The following INPP5F variants were observed in gnomAD, a reference collection of about 807,000 sequenced individuals.
The protein encoded by INPP5F is phosphatidylinositide 4-phosphatase SAC2.
A neutral mutation model predicts 137.2 loss-of-function variants in INPP5F; 97 were observed. The observed-to-expected ratio is 0.71, with a 90% CI of 0.60 to 0.84. The LOEUF (loss-of-function observed/expected upper bound fraction) is 0.84, where lower values mean the gene tolerates loss of function less well. INPP5F is among the 40% of genes least tolerant of loss of function. The pLI is 0.00. For synonymous variants in INPP5F, 504 were observed against 476.9 expected, an observed-to-expected ratio of 1.06 and a Z score of -0.74; for missense variants, 1,271 against 1,371.9, an observed-to-expected ratio of 0.93 and a Z score of 1.16.
chr10:119,756,601 A>C (rs1462230854), intron 2 of INPP5F, among the ~76,000 whole-genome samples: 2 of 152,136 alleles, frequency 1.3e-5, no homozygotes, highest in Non-Finnish European at 1.5e-5. Flanking sequence ...GCACCACTGC[A>C]CTCCAGCCTG....
At chr10:119,789,491 GT>G (rs906129467) in intron 3 of INPP5F, among the ~76,000 whole-genome samples, 2 of 152,084 alleles carry the variant, frequency 1.3e-5, no homozygotes, top group African/African-American at 4.8e-5. Flanking sequence ...ATCAAGGAGG[GT>G]GGGGTGTGTA....
Position 119,726,331 on chromosome 10 carries a change from C to T in INPP5F, c.69C>T (p.Arg23=). The change falls in exon 1 of 20, where the codon CGC becomes CGT. Residue 23 remains arginine (R), a synonymous_variant. Coordinates refer to ENST00000650623, the MANE Select transcript of INPP5F (RefSeq NM_014937.4). ...QQGERALWCS[R]RDGGLQLRPA... ...GCGAGCGCGCGCTGTGGTGCAGCCG[C>T]CGCGACGGCGGCCTCCAGCTCCGAC... 1.4e-6 allele frequency: 2 copies of T among 1,470,188 alleles called. No individual in the cohort carries two copies. The highest frequency in any genetic ancestry group is 9.0e-7 in the Non-Finnish European group (1 of 1,107,856). The allele number at this position is 1,470,188 out of a possible 1,614,324, so 91.1% of individuals were successfully genotyped here.
In INPP5F at chr10:119,826,546, A is replaced by G. The variant is rs1386380614; in HGVS notation, c.2250-85A>G. 8.1e-6 allele frequency: 9 copies of G among 1,116,476 alleles called. No individual in the cohort carries two copies. The East Asian group carries it at 1.4e-4, about 18-fold the overall frequency. The allele number at this position is 1,116,476 out of a possible 1,614,324, so 69.2% of individuals were successfully genotyped here. The stretch of plus-strand genomic sequence containing the variant: ...TTTCAAGAAGTTGGGACCAATTTGA[A>G]TAACTGTTTTCACTTATGTTAATAA... On this transcript the variant is annotated intron_variant, in intron 19 of 19. Transcript: ENST00000650623.
At chr10:119,826,240 T>C (rs1654716779) in intron 19 of INPP5F, among the ~76,000 whole-genome samples, 1 of 152,224 alleles carries the variant, frequency 6.6e-6, no homozygotes, top group African/African-American at 2.4e-5. Flanking sequence ...TGAAGCCTTT[T>C]AGAATGCGAC....
chr10:119,746,075 C>T (rs113361328), intron 1 of INPP5F, among the ~76,000 whole-genome samples: 11 of 152,132 alleles, frequency 7.2e-5, no homozygotes, highest in African/African-American at 2.7e-4. Flanking sequence ...CAATTCATAT[C>T]TCCAGTGTAC....
chr10:119,762,832 C>A (rs1015814709), intron 2 of INPP5F, among the ~76,000 whole-genome samples: 14 of 152,204 alleles, frequency 9.2e-5, no homozygotes, highest in Admixed American at 3.9e-4. Context: ...TAATATTTTG[C>A]CCTGTCCCCC....
At chr10:119,790,263 C>G (rs1353968851) in intron 3 of INPP5F, among the ~76,000 whole-genome samples, 3 of 152,096 alleles carry the variant, frequency 2.0e-5, no homozygotes, top group Non-Finnish European at 4.4e-5. Flanking sequence ...GTTCTGTCTT[C>G]TCTCCTTCCG....
intron 7 of INPP5F, among the ~76,000 whole-genome samples, chr10:119,797,173 A>T (rs1850414615): frequency 6.6e-6 from 1 of 152,188 alleles, no homozygotes; most frequent in Non-Finnish European, 1.5e-5. Flanking sequence ...GCTTCAGAAT[A>T]CTGGCACTCC....
At chr10:119,791,394 A>T (rs976497130) in intron 3 of INPP5F, 123 bp from the exon 4 acceptor site, 19 of 750,802 alleles carry the variant, frequency 2.5e-5, no homozygotes, top group Non-Finnish European at 4.2e-5. Context: ...CTACTTGATA[A>T]TTTTTCTAAC....
chr10:119,810,774 T>G (rs1341745800), intron 14 of INPP5F, among the ~76,000 whole-genome samples: 2 of 152,186 alleles, frequency 1.3e-5, no homozygotes, highest in Non-Finnish European at 2.9e-5. Context: ...TTTTAAAAAT[T>G]TAATACTCAT....
chr10:119,730,096 ACTTCT>A (rs1444622043), intron 1 of INPP5F, among the ~76,000 whole-genome samples: 1 of 151,660 alleles, frequency 6.6e-6, no homozygotes, highest in Non-Finnish European at 1.5e-5. Context: ...AATGACTACT[ACTTCT>A]CTTTTCTTTT....
At chr10:119,765,890 G>T (rs12779174) in intron 2 of INPP5F, among the ~76,000 whole-genome samples, 10,708 of 145,950 alleles carry the variant, frequency 0.073, 487 homozygotes, top group African/African-American at 0.11. Flanking sequence ...TAGAGAGAGA[G>T]AGAGAGAGAC....
chr10:119,806,678 T>A (rs1162916159), intron 12 of INPP5F, among the ~76,000 whole-genome samples, 198 bp downstream of exon 12: 1 of 152,172 alleles, frequency 6.6e-6, no homozygotes, highest in East Asian at 1.9e-4. Flanking sequence ...ATTTTCTTAA[T>A]CACTCATTTC....
intron 2 of INPP5F, among the ~76,000 whole-genome samples, chr10:119,758,005 CTA>C (rs1265007094): frequency 2.6e-5 from 4 of 152,158 alleles, no homozygotes; most frequent in African/African-American, 9.7e-5. Context: ...TAACAAGTAT[CTA>C]TGGAGTACCT....
At chr10:119,751,894 G>T (rs1281964879) in intron 2 of INPP5F, among the ~76,000 whole-genome samples, 1 of 152,170 alleles carries the variant, frequency 6.6e-6, no homozygotes, top group Non-Finnish European at 1.5e-5. Context: ...GGCTCCCAAA[G>T]TCCTGGGATT....
In INPP5F at chr10:119,787,977, A is replaced by G. The variant is rs1386644220; in HGVS notation, c.316-3540A>G. Among the ~76,000 whole-genome samples, 1 of 152,168 alleles carries G rather than the reference A, an allele frequency of 6.6e-6. No homozygotes were observed. Among genetic ancestry groups the G allele is most frequent in the East Asian group, 1.9e-4 (1 of 5,196 alleles). On this transcript the variant is annotated intron_variant, in intron 3 of 19. Coordinates refer to ENST00000650623, the MANE Select transcript of INPP5F (RefSeq NM_014937.4). The surrounding 1 kb of genome is among the most constrained non-coding windows in gnomAD (Gnocchi z 4.1). Reference sequence around the variant, plus strand: ...TGTGTGCCATGCCAGTAGCATTTCCATGAAGAAATACTGGTCTGGGCAAAA... The same window carrying G: ...TGTGTGCCATGCCAGTAGCATTTCCGTGAAGAAATACTGGTCTGGGCAAAA...
At chr10:119,785,754 A>G (rs35482864) in intron 3 of INPP5F, among the ~76,000 whole-genome samples, 9,132 of 152,082 alleles carry the variant, frequency 0.06, 362 homozygotes, top group South Asian at 0.22. Flanking sequence ...AGGTACTCAG[A>G]AGGCTGAGGC....
intron 1 of INPP5F, among the ~76,000 whole-genome samples, chr10:119,744,156 G>T (rs1283150669): frequency 6.6e-6 from 1 of 152,036 alleles, no homozygotes; most frequent in African/African-American, 2.4e-5. Context: ...CTCTTTATAA[G>T]AAATTGATTT....
In INPP5F at chr10:119,791,900, AGAG is replaced by A. The variant is rs763142991; in HGVS notation, c.480_482del (p.Arg161del). The A allele has an allele frequency of 6.2e-7, 1 of 1,611,062 alleles. No individual in the cohort carries two copies. On this transcript the variant is annotated inframe_deletion, in exon 5 of 20. Coordinates refer to ENST00000650623, the MANE Select transcript of INPP5F (RefSeq NM_014937.4). ...GAAAGTAAAGAGAAGGAGAAGTTGGAGAGGAGATTACTTGAAGAGTTGCTGAAG... is the reference window on the plus strand; with the variant it reads ...GAAAGTAAAGAGAAGGAGAAGTTGGAGAGATTACTTGAAGAGTTGCTGAAG...
Sources: allele counts gnomAD v4.1 joint callset (sites outside exome capture counted in the v4.1 genomes callset), GRCh38; gene constraint gnomAD v4.1.1; non-coding constraint Gnocchi (gnomAD v3.1); transcripts MANE v1.5; gene names NCBI Gene and HGNC (gene_info 2026-07-23, HGNC 2026-07-21).